The following CPAMD8 variants were observed in gnomAD, a reference collection of about 807,000 sequenced individuals.
The protein encoded by CPAMD8 is C3 and PZP-like alpha-2-macroglobulin domain-containing protein 8.
A neutral mutation model predicts 224.7 loss-of-function variants in CPAMD8; 146 were observed. That is an observed-to-expected ratio of 0.65 (90% CI 0.57 to 0.75). The LOEUF (loss-of-function observed/expected upper bound fraction) is 0.75, where lower values mean the gene tolerates loss of function less well. CPAMD8 is among the 30% of genes least tolerant of loss of function. CPAMD8 has a pLI of 0.00. For synonymous variants in CPAMD8, 966 were observed against 1,044.6 expected (o/e 0.92, Z 1.45); for missense variants, 2,301 against 2,537.5 (o/e 0.91, Z 2.00).
intron 36 of CPAMD8, among the ~76,000 whole-genome samples, chr19:16,900,905 G>A (rs907953797): frequency 6.6e-6 from 1 of 152,002 alleles, no homozygotes; most frequent in African/African-American, 2.4e-5. Flanking sequence ...CCAGCTACTC[G>A]GGAGGCTGAG....
intron 13 of CPAMD8, among the ~76,000 whole-genome samples, chr19:16,986,836 T>C (rs1003102301): frequency 6.6e-6 from 1 of 151,828 alleles, no homozygotes; most frequent in Non-Finnish European, 1.5e-5. Flanking sequence ...TCCACAAAGT[T>C]AACAGAGGGG....
At chr19:16,928,542 C>G (rs2053445618) in intron 24 of CPAMD8, among the ~76,000 whole-genome samples, 1 of 152,182 alleles carries the variant, frequency 6.6e-6, no homozygotes, top group Non-Finnish European at 1.5e-5. Flanking sequence ...TAGCGAACTC[C>G]TATTCATACT....
At chr19:16,937,932 C>T (rs141193457) in intron 23 of CPAMD8, among the ~76,000 whole-genome samples, 5 of 152,258 alleles carry the variant, frequency 3.3e-5, no homozygotes, top group African/African-American at 9.6e-5. Flanking sequence ...GGATTATAGG[C>T]GTGAGCCTAC....
intron 2 of CPAMD8, 58 bp from the exon 3 acceptor site, chr19:17,020,411 C>A: frequency 7.9e-7 from 1 of 1,263,598 alleles, no homozygotes; most frequent in South Asian, 1.2e-5. Context: ...CCCTGCCTCC[C>A]TGAGCTGCAG....
At chr19:16,975,422 A>T (rs778771332) in intron 16 of CPAMD8, among the ~76,000 whole-genome samples, 164 bp from the exon 17 acceptor site, 2 of 152,194 alleles carry the variant, frequency 1.3e-5, no homozygotes, top group Admixed American at 1.3e-4. Context: ...ATGGGCAAAC[A>T]GGAGCCAGGC....
Position 17,025,804 on chromosome 19 carries a change from C to T in CPAMD8, c.92+747G>A, listed in dbSNP as rs570710795. Among the ~76,000 whole-genome samples, 18 of 152,304 alleles carry T rather than the reference C, an allele frequency of 1.2e-4. No homozygotes were observed. In the South Asian group the frequency reaches 1.9e-3, roughly 16 times the overall value. On this transcript the variant is annotated intron_variant, in intron 1 of 41. Coordinates refer to ENST00000443236, the MANE Select transcript of CPAMD8 (RefSeq NM_015692.5). ...GTCTGGATGCTCAGAGCGCAGTAGA[C>T]TGTCTTGCTTTTAAAACTGTGACCA...
chr19:16,989,167 A>T (rs2055848914), intron 13 of CPAMD8, among the ~76,000 whole-genome samples: 1 of 152,168 alleles, frequency 6.6e-6, no homozygotes, highest in Non-Finnish European at 1.5e-5. Context: ...AAATAAACAT[A>T]ATGTCCTTGA....
At chr19:17,021,212 C>T (rs1418553167) in intron 2 of CPAMD8, among the ~76,000 whole-genome samples, 10 of 152,326 alleles carry the variant, frequency 6.6e-5, no homozygotes, top group Non-Finnish European at 8.8e-5. Flanking sequence ...GGGGGAGAAG[C>T]TGGCCAGCAA....
intron 11 of CPAMD8, 88 bp downstream of exon 11, chr19:16,997,023 C>T: frequency 1.2e-6 from 1 of 827,624 alleles, no homozygotes; most frequent in Non-Finnish European, 2.1e-6. Context: ...CCGTTTTCAG[C>T]TGAGTCACCA....
At chr19:16,929,692 A>G (rs2053489288) in intron 23 of CPAMD8, among the ~76,000 whole-genome samples, 1 of 152,162 alleles carries the variant, frequency 6.6e-6, no homozygotes, top group Admixed American at 6.5e-5. Context: ...TCTCTCTCTA[A>G]AAAACAAGCA....
chr19:16,896,085 G>T (rs752283156), intron 41 of CPAMD8, 91 bp downstream of exon 41: 17 of 1,445,414 alleles, frequency 1.2e-5, no homozygotes, highest in African/African-American at 2.8e-5. Flanking sequence ...CGGAGGAGTC[G>T]GGGCAGGTCG....
At chr19:16,906,382 CTTTCTTTCT>C (rs1568459493) in intron 30 of CPAMD8, among the ~76,000 whole-genome samples, 99 of 70,658 alleles carry the variant, frequency 1.4e-3, no homozygotes, top group South Asian at 3.7e-3. Flanking sequence ...TTCTTTCTTT[CTTTCTTTCT>C]TTCTTTCTTT....
Position 16,976,399 on chromosome 19 carries a change from C to A in CPAMD8, c.1759-248G>T, listed in dbSNP as rs185518643. On this transcript the variant is annotated intron_variant, in intron 15 of 41. Coordinates refer to ENST00000443236, the MANE Select transcript of CPAMD8 (RefSeq NM_015692.5). The stretch of plus-strand genomic sequence containing the variant: ...GCTGAGGCAGGAGAATCGCTTGAAG[C>A]CCAGAGACAGAGGTTGCAGGGAGCT... Among the ~76,000 whole-genome samples, 164 of 152,064 alleles carry A rather than the reference C, an allele frequency of 1.1e-3. 3 individuals are homozygous for A. The highest frequency in any genetic ancestry group is 3.9e-3 in the African/African-American group (162 of 41,366).
intron 20 of CPAMD8, among the ~76,000 whole-genome samples, chr19:16,951,147 G>A (rs901697963): frequency 1.3e-5 from 2 of 152,088 alleles, no homozygotes; most frequent in Non-Finnish European, 2.9e-5. Flanking sequence ...GCCCAGCGAG[G>A]CTCCGACACA....
intron 3 of CPAMD8, among the ~76,000 whole-genome samples, chr19:17,016,042 C>G (rs930984625): frequency 3.3e-5 from 5 of 152,218 alleles, no homozygotes; most frequent in African/African-American, 9.7e-5. Context: ...CTCCTGGACT[C>G]AAGCAATCCT....
chr19:16,945,617 C>T lies in CPAMD8; in HGVS notation c.2725G>A (p.Glu909Lys). Reference sequence around the variant, plus strand: ...ACCCTCCTGTCGGCGTGATTCTCCTCAGGGTGTTTGCTGGACCTCCCATCC... The same window carrying T: ...ACCCTCCTGTCGGCGTGATTCTCCTTAGGGTGTTTGCTGGACCTCCCATCC... The part of the protein sequence containing the change: ...CRDGRSSKHP[E>K]ENHADRRVPI... Residue 909 changes from glutamate to lysine, a missense_variant, in exon 22 of 42, where the codon GAG becomes AAG. This residue lies in a region of CPAMD8 where 1,709 missense variants were observed against 1,753.2 expected (regional missense o/e 0.97). Transcript: ENST00000443236. 1 of 1,614,230 alleles carries T rather than the reference C, an allele frequency of 6.2e-7. No individual in the cohort carries two copies. Among genetic ancestry groups the T allele is most frequent in the Non-Finnish European group, 8.5e-7 (1 of 1,180,034 alleles).
chr19:16,902,903 C>G (rs1458751059), intron 34 of CPAMD8, 40 bp from the exon 35 acceptor site: 1 of 1,368,794 alleles, frequency 7.3e-7, no homozygotes, highest in Non-Finnish European at 9.9e-7. Flanking sequence ...GGACCTGGGC[C>G]CTCCATAACA....
rs375463591 is a variant in CPAMD8, at chr19:16,903,658, C to T, written c.4408-35G>A. ...GAAGTCACCGTGAGGCCCTGCTGAC[C>T]CCTCCTCCAACAACCCCCAAACCCT... On this transcript the variant is annotated intron_variant, in intron 33 of 41. Coordinates refer to ENST00000443236, the MANE Select transcript of CPAMD8 (RefSeq NM_015692.5). The T allele has an allele frequency of 2.7e-5, 43 of 1,613,902 alleles. No homozygotes were observed. The African/African-American group carries it at 4.1e-4, about 16-fold the overall frequency.
At chr19:17,014,336 G>A (rs761698278) in intron 3 of CPAMD8, among the ~76,000 whole-genome samples, 2 of 151,986 alleles carry the variant, frequency 1.3e-5, no homozygotes, top group Non-Finnish European at 2.9e-5. Flanking sequence ...TGGGATTACA[G>A]GTGTGAGCCA....
Sources: gnomAD v4.1 joint callset for allele counts (sites outside exome capture counted in the v4.1 genomes callset) on GRCh38, gnomAD v4.1.1 for gene constraint, gnomAD v4.1.1 regional missense constraint, MANE v1.5 for transcripts, NCBI Gene and HGNC (gene_info 2026-07-23, HGNC 2026-07-21) for gene names.